FSD1: variants seen among roughly 807,000 people sequenced by gnomAD.
The protein encoded by FSD1 is fibronectin type III and SPRY domain-containing protein 1.
A neutral mutation model predicts 58.2 loss-of-function variants in FSD1; 23 were observed. The observed-to-expected ratio is 0.40, with a 90% CI of 0.28 to 0.56. The LOEUF (loss-of-function observed/expected upper bound fraction) is 0.56. Among genes scored for constraint, FSD1 ranks in the 20% least tolerant of loss-of-function variants. The pLI is 0.54. For missense variants in FSD1, 563 were observed against 670.8 expected (o/e 0.84, Z 1.78); for synonymous variants, 265 against 263.4 (o/e 1.01, Z -0.06).
chr19:4,318,736 A>T (rs1971782441), intron 9 of FSD1, 136 bp from the exon 10 acceptor site: 2 of 786,734 alleles, frequency 2.5e-6, no homozygotes, highest in Non-Finnish European at 4.4e-6. Flanking sequence ...GGTGCTCGAT[A>T]TATAGATAGA....
intron 1 of FSD1, 113 bp downstream of exon 1, chr19:4,304,874 G>A: frequency 6.2e-6 from 3 of 486,000 alleles, no homozygotes; most frequent in Non-Finnish European, 9.3e-6. Context: ...GCTGCTCTGC[G>A]GCTGAGGCCC....
rs762217479 is a variant in FSD1 at position 4,323,167 on chromosome 19, C to T, written c.1221C>T (p.His407=). The T allele has an allele frequency of 1.1e-5, 18 of 1,604,880 alleles. No individual in the cohort carries two copies. In the East Asian group the frequency reaches 2.0e-4, roughly 18 times the overall value. The change falls in exon 11 of 13, where the codon CAC becomes CAT. Residue 407 remains histidine (H), a synonymous_variant. Coordinates refer to ENST00000221856, the MANE Select transcript of FSD1 (RefSeq NM_024333.3). This position sits in a 1 kb window ranked among gnomAD's most constrained non-coding sequence, Gnocchi z 7.7. ...NWLQVSFTAK[H]ANKVKVLDAP... is the part of the protein sequence containing the mutation. ...TGCAGGTCAGCTTCACGGCCAAGCA[C>T]GCCAACAAGGTCAAGGTGCTGGACG...
At chr19:4,319,076 T>C in intron 10 of FSD1, 125 bp downstream of exon 10, 1 of 732,212 alleles carries the variant, frequency 1.4e-6, no homozygotes, top group Non-Finnish European at 2.4e-6. Flanking sequence ...GCTCCCGGAA[T>C]AACAGGTTGT....
In FSD1 at chr19:4,311,912, C is replaced by T; in HGVS notation, c.561C>T (p.Arg187=). Reference sequence around the variant, plus strand: ...ATAACTGTGTGACCCTGGTGTGGCGCATGCCGGATGAGGACAGCAAGATTG... The same window carrying T: ...ATAACTGTGTGACCCTGGTGTGGCGTATGCCGGATGAGGACAGCAAGATTG... ...VADNCVTLVW[R]MPDEDSKIDH... is the part of the protein sequence containing the mutation. The change falls in exon 7 of 13, where the codon CGC becomes CGT. Residue 187 remains arginine, a synonymous_variant. Transcript: ENST00000221856. 2 of 1,614,184 alleles carry T rather than the reference C, an allele frequency of 1.2e-6. No individual in the cohort carries two copies. The highest frequency in any genetic ancestry group is 1.7e-6 in the Non-Finnish European group (2 of 1,180,028).
At chr19:4,309,318 G>C (rs1266209604) in intron 4 of FSD1, among the ~76,000 whole-genome samples, 1 of 152,132 alleles carries the variant, frequency 6.6e-6, no homozygotes, top group Non-Finnish European at 1.5e-5. Context: ...TTTAGTATAA[G>C]GGTATATATG....
At chr19:4,311,567 C>T (rs1286302013) in intron 6 of FSD1, 11 of 390,750 alleles carry the variant, frequency 2.8e-5, no homozygotes, top group Middle Eastern at 7.7e-4. Context: ...GACTGTAATC[C>T]CAGCTACTCA....
intron 10 of FSD1, among the ~76,000 whole-genome samples, chr19:4,319,994 ATC>A (rs1457221737): frequency 3.3e-5 from 5 of 152,042 alleles, no homozygotes; most frequent in Admixed American, 6.6e-5. Flanking sequence ...CCTGGGGAGG[ATC>A]TCAACTCTGG....
intron 6 of FSD1, 183 bp from the exon 7 acceptor site, chr19:4,311,659 G>C: frequency 1.7e-6 from 1 of 579,332 alleles, no homozygotes. Flanking sequence ...ACTCCAGCCT[G>C]GGTGACAAGA....
chr19:4,314,135 G>A (rs1380388367), intron 7 of FSD1, among the ~76,000 whole-genome samples: 1 of 152,182 alleles, frequency 6.6e-6, no homozygotes, highest in African/African-American at 2.4e-5. Flanking sequence ...CTGCTTTTGG[G>A]CTGTAATCAG....
intron 10 of FSD1, among the ~76,000 whole-genome samples, chr19:4,319,251 G>A (rs539285270): frequency 2.0e-5 from 3 of 152,192 alleles, no homozygotes; most frequent in Non-Finnish European, 4.4e-5. Flanking sequence ...GAGTAGCTGG[G>A]ATTTAGGGAG....
chr19:4,318,433 A>C lies in FSD1; in HGVS notation c.887A>C (p.Lys296Thr), dbSNP rs1438490434. The change falls in exon 9 of 13, where the codon AAG becomes ACG. Residue 296 changes from lysine to threonine, a missense_variant. Transcript: ENST00000221856. Reference protein sequence around the residue: ...LSVEWDAMGGKVQDIKAREKD... With the variant: ...LSVEWDAMGGTVQDIKAREKD... ...GTGGAGTGGGACGCTATGGGCGGGA[A>C]GGTGCAGGATATCAAGGCTCGCGAG... 6.2e-7 allele frequency: 1 copy of C among 1,613,784 alleles called. No individual in the cohort carries two copies. Among genetic ancestry groups the C allele is most frequent in the East Asian group, 2.2e-5 (1 of 44,846 alleles).
intron 4 of FSD1, among the ~76,000 whole-genome samples, chr19:4,308,856 G>A (rs1444575320): frequency 2.7e-5 from 4 of 145,888 alleles, no homozygotes; most frequent in African/African-American, 5.1e-5. Flanking sequence ...AGACTCCGTC[G>A]CAAAAAAAAG....
intron 4 of FSD1, among the ~76,000 whole-genome samples, chr19:4,309,796 C>G (rs1971667675): frequency 6.6e-6 from 1 of 151,874 alleles, no homozygotes; most frequent in South Asian, 2.1e-4. Context: ...GTAGTCCCAG[C>G]TACTCGGGAG....
At chr19:4,308,602 A>G (rs912902908) in intron 4 of FSD1, among the ~76,000 whole-genome samples, 9 of 152,170 alleles carry the variant, frequency 5.9e-5, no homozygotes, top group Non-Finnish European at 1.3e-4. Context: ...TCATGCCTGT[A>G]ATCCCAGCAC....
At chr19:4,306,063 T>TG (rs1971617539) in intron 2 of FSD1, 22 bp downstream of exon 2, 1 of 1,609,564 alleles carries the variant, frequency 6.2e-7, no homozygotes, top group South Asian at 1.1e-5. Flanking sequence ...GGGGCAGTCC[T>TG]GGGGAGGTAA....
intron 10 of FSD1, among the ~76,000 whole-genome samples, chr19:4,320,192 C>G (rs1390706286): frequency 6.6e-6 from 1 of 151,984 alleles, no homozygotes; most frequent in Non-Finnish European, 1.5e-5. Flanking sequence ...CCTGGGAGAA[C>G]CTGCCTTCCA....
Position 4,306,312 on chromosome 19 carries a change from C to T in FSD1, c.226C>T (p.Arg76Cys), listed in dbSNP as rs746789026. The T allele has an allele frequency of 6.2e-6, 10 of 1,613,868 alleles. No homozygotes were observed. Among genetic ancestry groups the T allele is most frequent in the African/African-American group, 2.7e-5 (2 of 74,906 alleles). The change falls in exon 3 of 13, where the codon CGT becomes TGT. Residue 76 changes from arginine (R) to cysteine (C), a missense_variant. By Grantham distance (180) the Arg-to-Cys change is radical. Coordinates refer to ENST00000221856, the MANE Select transcript of FSD1 (RefSeq NM_024333.3). ...GAAGATAAAACAGGACCGTGCCAGCCGTACCTACGAGCTGCAGGTGAGGGC... is the reference window on the plus strand; with the variant it reads ...GAAGATAAAACAGGACCGTGCCAGCTGTACCTACGAGCTGCAGGTGAGGGC... ...LMKIKQDRASRTYELQNQLAA... is the reference protein window; with the variant it reads ...LMKIKQDRASCTYELQNQLAA...
At chr19:4,305,307 C>T (rs1490034045) in intron 1 of FSD1, among the ~76,000 whole-genome samples, 1 of 150,684 alleles carries the variant, frequency 6.6e-6, no homozygotes. Context: ...ATTTCTTTCT[C>T]CTTGCTTATC....
At position 4,323,501 on chromosome 19, in the gene FSD1, A is replaced by AGGGGGGGGG; in HGVS notation, c.1381-31_1381-30insGGGGGGGGG. 1.4e-6 allele frequency: 2 copies of AGGGGGGGGG among 1,412,758 alleles called. No homozygotes were observed. Among genetic ancestry groups the AGGGGGGGGG allele is most frequent in the Non-Finnish European group, 2.0e-6 (2 of 998,326 alleles). 87.5% of individuals were successfully genotyped at this position (1,412,758 alleles called of 1,614,324 possible). On this transcript the variant is annotated intron_variant, in intron 12 of 12. Coordinates refer to ENST00000221856, the MANE Select transcript of FSD1 (RefSeq NM_024333.3). The surrounding 1 kb of genome is among the most constrained non-coding windows in gnomAD (Gnocchi z 7.7). The stretch of plus-strand genomic sequence containing the variant: ...TGCTGGGCGCTGGGGTTTGAAGCTG[A>AGGGGGGGGG]GCCCCTCCCCCCTCCCCCCGCTGTC...
Sources: gnomAD v4.1 joint callset for allele counts (sites outside exome capture counted in the v4.1 genomes callset) on GRCh38, gnomAD v4.1.1 for gene constraint, Gnocchi (gnomAD v3.1) non-coding constraint, MANE v1.5 for transcripts, NCBI Gene and HGNC (gene_info 2026-07-23, HGNC 2026-07-21) for gene names.